The following FBXO34 variants were observed in gnomAD, a reference collection of about 807,000 sequenced individuals.
FBXO34 encodes the protein F-box only protein 34.
In FBXO34, 12 loss-of-function variants were observed where a neutral mutation model predicts 24.5. The observed-to-expected ratio is 0.49, with a 90% CI of 0.31 to 0.79. FBXO34 has a LOEUF of 0.79. Ranked by LOEUF, FBXO34 falls within the 30% of genes least tolerant of loss-of-function variation. FBXO34 has a pLI of 0.04. For synonymous variants in FBXO34, 320 were observed against 311.9 expected (o/e 1.03, Z -0.27); for missense variants, 823 against 857.7 (o/e 0.96, Z 0.51).
chr14:55,335,689 T>G (rs1883751785), intron 1 of FBXO34, among the ~76,000 whole-genome samples: 1 of 152,204 alleles, frequency 6.6e-6, no homozygotes, highest in Admixed American at 6.5e-5. Flanking sequence ...TAAGATGAAC[T>G]GCCATTTGTA....
the FBXO34 span, among the ~76,000 whole-genome samples, chr14:55,378,824 C>T: frequency 1.3e-5 from 2 of 152,166 alleles, no homozygotes; most frequent in Admixed American, 6.6e-5. Flanking sequence ...TCCCACCTCA[C>T]TCTCCCAAGT....
At chr14:55,294,758 T>C (rs116098211) in intron 1 of FBXO34, among the ~76,000 whole-genome samples, 185 of 152,310 alleles carry the variant, frequency 1.2e-3, no homozygotes, top group African/African-American at 4.3e-3. Context: ...GTATATTCTG[T>C]TGGTGGAAAA....
intron 1 of FBXO34, among the ~76,000 whole-genome samples, chr14:55,344,422 GT>G (rs1392636537): frequency 6.6e-6 from 1 of 151,864 alleles, no homozygotes; most frequent in Non-Finnish European, 1.5e-5. Flanking sequence ...TCATTGAAAT[GT>G]TTCTGTGACA....
Position 55,353,478 on chromosome 14 carries a change from C to G in FBXO34, c.*952C>G, listed in dbSNP as rs1016153733. 6.0e-6 allele frequency: 1 copy of G among 166,820 alleles called. No homozygotes were observed. Among genetic ancestry groups the G allele is most frequent in the Non-Finnish European group, 1.5e-5 (1 of 68,038 alleles). 10.3% of individuals were successfully genotyped at this position (166,820 alleles called of 1,614,324 possible). A position where few individuals can be genotyped will look rare whatever the true frequency, so the allele number is the denominator to read the frequency against. On this transcript the variant is annotated 3_prime_UTR_variant, in exon 2 of 2. Transcript: ENST00000313833. Reference sequence around the variant, plus strand: ...CCTGAAAATTAGCATAGAAAACAATCCTTTGTTATATTTTAGTGATCCACA... The same window carrying G: ...CCTGAAAATTAGCATAGAAAACAATGCTTTGTTATATTTTAGTGATCCACA...
chr14:55,354,025 C>G (rs1304959783), downstream of FBXO34, among the ~76,000 whole-genome samples: 2 of 152,152 alleles, frequency 1.3e-5, no homozygotes, highest in African/African-American at 4.8e-5. Context: ...ACCAAAAAGC[C>G]TTGAGACCAG....
At chr14:55,330,466 A>G (rs998917929) in intron 1 of FBXO34, among the ~76,000 whole-genome samples, 1 of 152,036 alleles carries the variant, frequency 6.6e-6, no homozygotes, top group Non-Finnish European at 1.5e-5. Flanking sequence ...TATGATCTGC[A>G]TGACTGTAAA....
chr14:55,315,150 A>T (rs913857459), intron 1 of FBXO34, among the ~76,000 whole-genome samples: 3 of 152,234 alleles, frequency 2.0e-5, no homozygotes, highest in African/African-American at 7.2e-5. Context: ...GCATGTTAAG[A>T]TTCACAGTTA....
At chr14:55,357,339 G>T (rs565789491), downstream of FBXO34, among the ~76,000 whole-genome samples, 2 of 152,332 alleles carry the variant, frequency 1.3e-5, no homozygotes, top group South Asian at 4.1e-4. Flanking sequence ...CATGTAAGAG[G>T]TGATGTTCCT....
At chr14:55,433,014 C>G in the FBXO34 span, among the ~76,000 whole-genome samples, 1 of 152,234 alleles carries the variant, frequency 6.6e-6, no homozygotes, top group Non-Finnish European at 1.5e-5. Context: ...ACTTATAACA[C>G]ACTTCATCAT....
the FBXO34 span, among the ~76,000 whole-genome samples, chr14:55,402,374 C>T: frequency 6.6e-6 from 1 of 151,626 alleles, no homozygotes. Context: ...CAATTGAGGG[C>T]CTAAAAAAAA....
chr14:55,282,347 C>T (rs538991831), intron 1 of FBXO34: 2 of 460,834 alleles, frequency 4.3e-6, no homozygotes, highest in East Asian at 1.2e-4. Context: ...CAATGATTTT[C>T]TGCTTCTTGA....
chr14:55,416,138 T>C, the FBXO34 span, among the ~76,000 whole-genome samples: 4 of 152,072 alleles, frequency 2.6e-5, no homozygotes, highest in Admixed American at 6.6e-5. Context: ...TTTGGAGCAA[T>C]AGAAATGTTT....
At chr14:55,291,975 G>GA (rs1383763775) in intron 1 of FBXO34, among the ~76,000 whole-genome samples, 11 of 151,296 alleles carry the variant, frequency 7.3e-5, no homozygotes, top group Non-Finnish European at 1.6e-4. Context: ...CTTTAAAAAA[G>GA]AAAAAAAATC....
At chr14:55,343,195 A>G (rs992971644) in intron 1 of FBXO34, among the ~76,000 whole-genome samples, 2 of 151,174 alleles carry the variant, frequency 1.3e-5, no homozygotes, top group African/African-American at 4.9e-5. Flanking sequence ...AAGGTATTAT[A>G]TAATGAGAAG....
At chr14:55,439,538 C>A in the FBXO34 span, among the ~76,000 whole-genome samples, 74,451 of 145,936 alleles carry the variant, frequency 0.51, 19,181 homozygotes, top group East Asian at 0.63. Flanking sequence ...GCCTGAAATC[C>A]CAGCACTTCG....
intron 1 of FBXO34, among the ~76,000 whole-genome samples, chr14:55,319,885 C>CAGGAT (rs1883069400): frequency 6.6e-6 from 1 of 152,076 alleles, no homozygotes; most frequent in South Asian, 2.1e-4. Context: ...CCGTGTTAGC[C>CAGGAT]AGGATGGTCT....
intron 1 of FBXO34, among the ~76,000 whole-genome samples, chr14:55,310,467 A>G (rs913627370): frequency 6.6e-6 from 1 of 152,324 alleles, no homozygotes. Flanking sequence ...CCACCAAACC[A>G]GGATTTACTG....
chr14:55,275,312 T>G (rs1222003874), intron 1 of FBXO34, among the ~76,000 whole-genome samples: 1 of 152,234 alleles, frequency 6.6e-6, no homozygotes, highest in Non-Finnish European at 1.5e-5. Flanking sequence ...AATATGAAAC[T>G]AAGTGCTATG....
chr14:55,362,857 A>G (rs982056802), downstream of FBXO34, among the ~76,000 whole-genome samples: 2 of 152,094 alleles, frequency 1.3e-5, no homozygotes, highest in African/African-American at 4.8e-5. Context: ...AATTAGGGAA[A>G]TAAGCTGCTG....
Sources: gnomAD v4.1 joint callset for allele counts (sites outside exome capture counted in the v4.1 genomes callset) on GRCh38, gnomAD v4.1.1 for gene constraint, MANE v1.5 for transcripts, NCBI Gene and HGNC (gene_info 2026-07-23, HGNC 2026-07-21) for gene names.